Variants in LAMA2 observed in about 807,000 individuals in gnomAD.
The protein encoded by LAMA2 is laminin subunit alpha-2.
LAMA2 carries 269 observed loss-of-function variants against 364.8 expected under a neutral mutation model. The observed-to-expected ratio is 0.74, with a 90% CI of 0.67 to 0.82. LAMA2 has a LOEUF of 0.82. Ranked by LOEUF, LAMA2 falls within the 40% of genes least tolerant of loss-of-function variation. The pLI is 0.00. For missense variants in LAMA2, 3,807 were observed against 3,873.2 expected (o/e 0.98, Z 0.45); for synonymous variants, 1,379 against 1,370.6 (o/e 1.01, Z -0.14).
At chr6:129,072,291 T>G (rs1024668068) in intron 3 of LAMA2, among the ~76,000 whole-genome samples, 9 of 152,210 alleles carry the variant, frequency 5.9e-5, no homozygotes, top group African/African-American at 1.2e-4. Flanking sequence ...TTTAATAATT[T>G]AAATTTTGTA....
chr6:129,217,254 T>C (rs1243231863), intron 12 of LAMA2, among the ~76,000 whole-genome samples: 1 of 152,112 alleles, frequency 6.6e-6, no homozygotes. Context: ...AAATATCTAT[T>C]TTTAGAATCT....
intron 32 of LAMA2, among the ~76,000 whole-genome samples, chr6:129,357,270 G>A (rs979236353): frequency 2.6e-5 from 4 of 151,948 alleles, no homozygotes; most frequent in Non-Finnish European, 5.9e-5. Flanking sequence ...CATTAACACA[G>A]AATAACCCAT....
rs77100377 is a variant in LAMA2 at position 129,283,302 on chromosome 6, A to G, written c.2537+3155A>G. Among the ~76,000 whole-genome samples, 102 of 152,268 alleles carry G rather than the reference A, an allele frequency of 6.7e-4. 1 individual carries two copies. The East Asian group carries it at 0.02, about 29-fold the overall frequency. On this transcript the variant is annotated intron_variant, in intron 18 of 64. Transcript: ENST00000421865. ...GCAATTGGAATATCAAGAGCAATTA[A>G]AAAGACTGTTGAGCTAAAAGTGAGT...
At chr6:129,164,238 A>T (rs1370329877) in intron 8 of LAMA2, among the ~76,000 whole-genome samples, 1 of 152,204 alleles carries the variant, frequency 6.6e-6, no homozygotes, top group Non-Finnish European at 1.5e-5. Flanking sequence ...CAGCATAGAT[A>T]TGCTGGACAA....
chr6:129,167,415 G>C (rs946536717), intron 9 of LAMA2, among the ~76,000 whole-genome samples: 2 of 149,642 alleles, frequency 1.3e-5, no homozygotes, highest in African/African-American at 4.9e-5. Flanking sequence ...TGTGGTGTTT[G>C]GTTTTTTGTT....
At chr6:129,018,362 G>T (rs1037686540) in intron 1 of LAMA2, among the ~76,000 whole-genome samples, 4 of 151,888 alleles carry the variant, frequency 2.6e-5, no homozygotes, top group Middle Eastern at 3.4e-3. Flanking sequence ...CATATGAAAA[G>T]AATCAGAAAT....
intron 29 of LAMA2, 22 bp downstream of exon 29, chr6:129,328,434 G>GAA: frequency 6.2e-7 from 1 of 1,614,026 alleles, no homozygotes; most frequent in Non-Finnish European, 8.5e-7. Flanking sequence ...AGCCTTCCTT[G>GAA]AACAAGGTCC....
At chr6:129,209,884 A>G (rs1165333125) in intron 12 of LAMA2, among the ~76,000 whole-genome samples, 3 of 151,526 alleles carry the variant, frequency 2.0e-5, no homozygotes, top group South Asian at 2.1e-4. Flanking sequence ...GGCACCTGTA[A>G]TCCCAGCTAC....
At chr6:129,336,396 TA>T (rs1354816366) in intron 29 of LAMA2, among the ~76,000 whole-genome samples, 1 of 152,200 alleles carries the variant, frequency 6.6e-6, no homozygotes, top group African/African-American at 2.4e-5. Flanking sequence ...TAAATCCCAG[TA>T]AAATATCAAG....
At chr6:129,513,148 A>G (rs1786737883) in intron 63 of LAMA2, among the ~76,000 whole-genome samples, 1 of 152,190 alleles carries the variant, frequency 6.6e-6, no homozygotes, top group African/African-American at 2.4e-5. Flanking sequence ...ATTAAATAGG[A>G]ATCGTACTTC....
At chr6:129,140,710 A>G (rs879737324) in intron 4 of LAMA2, among the ~76,000 whole-genome samples, 2 of 152,040 alleles carry the variant, frequency 1.3e-5, no homozygotes, top group Non-Finnish European at 2.9e-5. Flanking sequence ...TATCCTATCC[A>G]ACATTATGAT....
chr6:129,443,523 A>T (rs1462515751), intron 44 of LAMA2, among the ~76,000 whole-genome samples: 1 of 152,222 alleles, frequency 6.6e-6, no homozygotes, highest in Non-Finnish European at 1.5e-5. Context: ...GATAACACAA[A>T]TTCACCCCAA....
intron 1 of LAMA2, among the ~76,000 whole-genome samples, chr6:129,023,261 A>C (rs1370053056): frequency 6.6e-6 from 1 of 151,986 alleles, no homozygotes; most frequent in Admixed American, 6.6e-5. Context: ...TTTTCACTCC[A>C]TCTTTCTTTG....
At chr6:129,224,755 T>G (rs1406336411) in intron 12 of LAMA2, among the ~76,000 whole-genome samples, 2 of 152,216 alleles carry the variant, frequency 1.3e-5, no homozygotes, top group East Asian at 3.8e-4. Flanking sequence ...ATTGAGGATT[T>G]TTGCATTGAT....
chr6:129,252,092 C>T lies in LAMA2; in HGVS notation c.1893C>T (p.Asp631=), dbSNP rs1206432247. 6.2e-7 allele frequency: 1 copy of T among 1,610,874 alleles called. No individual in the cohort carries two copies. The highest frequency in any genetic ancestry group is 2.2e-5 in the East Asian group (1 of 44,826). Residue 631 remains aspartate (D), a synonymous_variant, in exon 14 of 65, where the codon GAC becomes GAT. Coordinates refer to ENST00000421865, the MANE Select transcript of LAMA2 (RefSeq NM_000426.4). ...TTTTTTTCCCCCTTTAGGGTAATGA[C>T]TTGAGCATCAGCACAGCCCAAGATG... is the stretch of plus-strand genomic sequence containing the variant. ...LQLMIILEGN[D]LSISTAQDEV... is the part of the protein sequence containing the mutation.
At chr6:129,172,448 T>G (rs966718446) in intron 9 of LAMA2, among the ~76,000 whole-genome samples, 1 of 152,186 alleles carries the variant, frequency 6.6e-6, no homozygotes, top group African/African-American at 2.4e-5. Context: ...GAGGTGTCAG[T>G]GTGCCCCTGC....
chr6:129,206,114 AAGG>A (rs1443629494), intron 12 of LAMA2, among the ~76,000 whole-genome samples: 1 of 71,834 alleles, frequency 1.4e-5, no homozygotes, highest in East Asian at 3.3e-4. Flanking sequence ...GGGAGGAAGG[AAGG>A]AAGGAAGGAA....
chr6:129,507,694 A>AGTATTTGT (rs760639094), intron 62 of LAMA2, 52 bp downstream of exon 62: 6 of 1,559,652 alleles, frequency 3.8e-6, no homozygotes, highest in Non-Finnish European at 5.3e-6. Flanking sequence ...TACAAATACT[A>AGTATTTGT]ACTTCTTGCT....
At chr6:129,089,098 G>A (rs997658349) in intron 3 of LAMA2, among the ~76,000 whole-genome samples, 7 of 152,238 alleles carry the variant, frequency 4.6e-5, no homozygotes, top group African/African-American at 9.6e-5. Context: ...GATCACTCGC[G>A]GTTAGGAGCT....
Sources: gnomAD v4.1 joint callset for allele counts (sites outside exome capture counted in the v4.1 genomes callset) on GRCh38, gnomAD v4.1.1 for gene constraint, MANE v1.5 for transcripts, NCBI Gene and HGNC (gene_info 2026-07-23, HGNC 2026-07-21) for gene names.